The following CCM2L variants were observed in gnomAD, a reference collection of about 807,000 sequenced individuals.
CCM2L encodes cerebral cavernous malformations 2 protein-like.
CCM2L carries 36 observed loss-of-function variants against 54.1 expected under a neutral mutation model. The ratio of observed to expected loss-of-function variants is 0.67; its 90% CI spans 0.51 to 0.88. CCM2L has a LOEUF of 0.88. Ranked by LOEUF, CCM2L falls within the 40% of genes least tolerant of loss-of-function variation. The pLI is 0.00. For synonymous variants in CCM2L, 351 were observed against 359.3 expected (o/e 0.98, Z 0.26); for missense variants, 700 against 812.1 (o/e 0.86, Z 1.68).
At chr20:32,022,926 C>A in intron 6 of CCM2L, 131 bp downstream of exon 6, 1 of 967,002 alleles carries the variant, frequency 1.0e-6, no homozygotes, top group Non-Finnish European at 1.5e-6. Flanking sequence ...TACAGTGTAC[C>A]CCACAATTGT....
At chr20:32,015,911 C>T (rs1332772009) in intron 2 of CCM2L, among the ~76,000 whole-genome samples, 4 of 144,206 alleles carry the variant, frequency 2.8e-5, no homozygotes, top group Non-Finnish European at 5.9e-5. Flanking sequence ...GGCTGGAGTG[C>T]AGTGGCACGA....
In CCM2L at chr20:32,021,196, T is replaced by G. The variant is rs1054191141; in HGVS notation, c.934-1464T>G. Among the ~76,000 whole-genome samples, 5 of 152,110 alleles carry G rather than the reference T, an allele frequency of 3.3e-5. 1 individual carries two copies. In the South Asian group the frequency reaches 1.0e-3, roughly 32 times the overall value. On this transcript the variant is annotated intron_variant, in intron 5 of 9. Transcript: ENST00000452892. Reference sequence around the variant, plus strand: ...CAGTGGCTTCCCATTTCACTCCAAGTAAAAGCTAACATCCTTACAATTGCT... The same window carrying G: ...CAGTGGCTTCCCATTTCACTCCAAGGAAAAGCTAACATCCTTACAATTGCT...
intron 2 of CCM2L, among the ~76,000 whole-genome samples, chr20:32,017,120 C>G (rs2064747350): frequency 6.6e-6 from 1 of 152,142 alleles, no homozygotes; most frequent in African/African-American, 2.4e-5. Context: ...TGAACCCCAG[C>G]CTGAGTGACA....
chr20:32,017,850 G>A lies in CCM2L; in HGVS notation c.249G>A (p.Arg83=), dbSNP rs2064753236. The stretch of plus-strand genomic sequence containing the variant: ...CTTCCTCACTGAACCCCTCCAGTCG[G>A]GACGAGCTCCTGCAGCTGCTAGACA... ...WVTSSLNPSS[R]DELLQLLDTA... is the part of the protein sequence containing the mutation. The change falls in exon 3 of 10, where the codon CGG becomes CGA. Residue 83 remains arginine, a synonymous_variant. Coordinates refer to ENST00000452892, the MANE Select transcript of CCM2L (RefSeq NM_001365692.1). The A allele has an allele frequency of 6.2e-7, 1 of 1,613,960 alleles. No individual in the cohort carries two copies. The highest frequency in any genetic ancestry group is 1.7e-5 in the Admixed American group (1 of 59,992).
Position 32,018,096 on chromosome 20 carries a change from A to G in CCM2L, c.400A>G (p.Thr134Ala), listed in dbSNP as rs1407203971. The G allele has an allele frequency of 1.9e-6, 3 of 1,611,424 alleles. No individual in the cohort carries two copies. The highest frequency in any genetic ancestry group is 2.5e-6 in the Non-Finnish European group (3 of 1,179,440). ...DNEELILRIPTHEIAAASYLQ... is the reference protein window; with the variant it reads ...DNEELILRIPAHEIAAASYLQ... ...TGAAGAGCTCATTCTGCGAATCCCT[A>G]CGCACGAGATCGCCGCCGCCTCCTA... The change falls in exon 4 of 10, where the codon ACG becomes GCG. Residue 134 changes from threonine to alanine, a missense_variant. Thr to Ala is a moderately conservative substitution (Grantham distance 58, BLOSUM62 0). Coordinates refer to ENST00000452892, the MANE Select transcript of CCM2L (RefSeq NM_001365692.1).
At chr20:32,028,715 G>A in intron 7 of CCM2L, 1 of 452,082 alleles carries the variant, frequency 2.2e-6, no homozygotes, top group Non-Finnish European at 4.1e-6. Flanking sequence ...AAAGGGAGGG[G>A]AAAGGAGGCA....
At position 32,019,411 on chromosome 20, in the gene CCM2L, T is replaced by A; in HGVS notation, c.933+2T>A. The A allele has an allele frequency of 6.6e-7, 1 of 1,513,164 alleles. No individual in the cohort carries two copies. The highest frequency in any genetic ancestry group is 1.2e-5 in the South Asian group (1 of 82,646). The allele number at this position is 1,513,164 out of a possible 1,614,324, so 93.7% of individuals were successfully genotyped here. A position where few individuals can be genotyped will look rare whatever the true frequency, so the allele number is the denominator to read the frequency against. ...GTCATCCTGGCTGTAGCCAACAGGG[T>A]GAGCCCGAGGGCAGCCTGCTCCCAA... On this transcript the variant is annotated splice_donor_variant, in intron 5 of 9. Transcript: ENST00000452892. LOFTEE classifies it high-confidence loss of function.
Position 32,029,010 on chromosome 20 carries a change from C to CGT in CCM2L, c.1149_1150insGT (p.Thr384ValfsTer73). On this transcript the variant is annotated frameshift_variant, in exon 8 of 10. Transcript: ENST00000452892. LOFTEE classifies it high-confidence loss of function. ...GTGCCTGCAGTAATGGCTCCCAGGA[C>CGT]ACCTTTGAAGCATGTTACAGCGGCA... 6.2e-7 allele frequency: 1 copy of CGT among 1,614,186 alleles called. No homozygotes were observed. The highest frequency in any genetic ancestry group is 8.5e-7 in the Non-Finnish European group (1 of 1,180,018).
rs1314442466 is a variant in CCM2L at position 32,010,489 on chromosome 20, G to A, written c.30+5G>A. Reference sequence around the variant, plus strand: ...GAAGTCAAGAAAGGGAAGAAGGTAGGTGGGAGGTTGGGAGGGACGAAGGGA... The same window carrying A: ...GAAGTCAAGAAAGGGAAGAAGGTAGATGGGAGGTTGGGAGGGACGAAGGGA... On this transcript the variant is annotated splice_donor_5th_base_variant and intron_variant, in intron 1 of 9. Coordinates refer to ENST00000452892, the MANE Select transcript of CCM2L (RefSeq NM_001365692.1). 5 of 1,550,270 alleles carry A rather than the reference G, an allele frequency of 3.2e-6. No homozygotes were observed. In the Admixed American group the frequency reaches 5.9e-5, roughly 18 times the overall value.
rs753962282 is a variant in CCM2L, at chr20:32,022,734, T to C, written c.1008T>C (p.Cys336=). 23 of 1,613,876 alleles carry C rather than the reference T, an allele frequency of 1.4e-5. No individual in the cohort carries two copies. The highest frequency in any genetic ancestry group is 8.3e-5 in the Admixed American group (5 of 59,998). ...QIIYGDQSIE[C]VDRAGYHYTS... ...TCTACGGGGACCAGAGTATTGAGTG[T>C]GTGGACCGGGCTGGCTACCACTACA... The change falls in exon 6 of 10, where the codon TGT becomes TGC. Residue 336 remains cysteine (C), a synonymous_variant. Coordinates refer to ENST00000452892, the MANE Select transcript of CCM2L (RefSeq NM_001365692.1).
chr20:32,013,023 C>A (rs1172801661), intron 1 of CCM2L, among the ~76,000 whole-genome samples: 1 of 152,086 alleles, frequency 6.6e-6, no homozygotes, highest in Non-Finnish European at 1.5e-5. Context: ...AGCTCATTAA[C>A]CCCAATGGCT....
In CCM2L at chr20:32,018,958, C is replaced by T. The variant is rs983696056; in HGVS notation, c.482C>T (p.Pro161Leu). 1.0e-5 allele frequency: 14 copies of T among 1,399,412 alleles called. No individual in the cohort carries two copies. The highest frequency in any genetic ancestry group is 1.3e-5 in the Non-Finnish European group (14 of 1,080,916). The allele number at this position is 1,399,412 out of a possible 1,614,324, so 86.7% of individuals were successfully genotyped here. A position where few individuals can be genotyped will look rare whatever the true frequency, so the allele number is the denominator to read the frequency against. Residue 161 changes from proline (P) to leucine (L), a missense_variant, in exon 5 of 10, where the codon CCG becomes CTG. Physicochemically the swap from Pro to Leu is moderately conservative, Grantham distance 98 (BLOSUM62 -3). Transcript: ENST00000452892. The stretch of plus-strand genomic sequence containing the variant: ...ACTCTCCTAGGTCTGGGTGTGGACC[C>T]GGTGCCGGCCGGCGTGGATGCCAGC... The part of the protein sequence containing the change: ...LVLKTGLGVD[P>L]VPAGVDASPG...
At chr20:32,010,546 AAACT>A in intron 1 of CCM2L, 62 bp downstream of exon 1, 1 of 1,257,426 alleles carries the variant, frequency 8.0e-7, no homozygotes, top group East Asian at 2.6e-5. Context: ...GGAAGGGGGC[AAACT>A]GGGGCGGGGT....
In CCM2L at chr20:32,019,331, C is replaced by G. The variant is rs750170622; in HGVS notation, c.855C>G (p.Pro285=). ...GGGGSWERRH[P]GPNPLDPQDP... ...GAGGCAGCTGGGAGCGGCGCCACCCCGGCCCCAACCCGCTCGACCCGCAGG... is the reference window on the plus strand; with the variant it reads ...GAGGCAGCTGGGAGCGGCGCCACCCGGGCCCCAACCCGCTCGACCCGCAGG... Residue 285 remains proline, a synonymous_variant, in exon 5 of 10, where the codon CCC becomes CCG. Coordinates refer to ENST00000452892, the MANE Select transcript of CCM2L (RefSeq NM_001365692.1). 4 of 1,414,810 alleles carry G rather than the reference C, an allele frequency of 2.8e-6. No homozygotes were observed. The highest frequency in any genetic ancestry group is 3.7e-6 in the Non-Finnish European group (4 of 1,083,338). 87.6% of individuals were successfully genotyped at this position (1,414,810 alleles called of 1,614,324 possible). A position where few individuals can be genotyped will look rare whatever the true frequency, so the allele number is the denominator to read the frequency against.
At position 32,018,165 on chromosome 20, in the gene CCM2L, G is replaced by A; in HGVS notation, c.466+3G>A. 7.5e-7 allele frequency: 1 copy of A among 1,334,782 alleles called. No homozygotes were observed. The highest frequency in any genetic ancestry group is 9.8e-7 in the Non-Finnish European group (1 of 1,021,888). 82.7% of individuals were successfully genotyped at this position (1,334,782 alleles called of 1,614,324 possible). A position where few individuals can be genotyped will look rare whatever the true frequency, so the allele number is the denominator to read the frequency against. On this transcript the variant is annotated splice_donor_region_variant and intron_variant, in intron 4 of 9. Coordinates refer to ENST00000452892, the MANE Select transcript of CCM2L (RefSeq NM_001365692.1). The stretch of plus-strand genomic sequence containing the variant: ...GCACCTGCTAGTGCTCAAGACCGGT[G>A]CGGCGGGAGGGGGCGGGGGCGGGGG...
intron 7 of CCM2L, among the ~76,000 whole-genome samples, 161 bp downstream of exon 7, chr20:32,026,080 C>A (rs1268207549): frequency 6.6e-6 from 1 of 152,110 alleles, no homozygotes; most frequent in African/African-American, 2.4e-5. Context: ...TGGAAACCCA[C>A]AGGATCCAGA....
chr20:32,022,072 G>A (rs146810078), intron 5 of CCM2L, among the ~76,000 whole-genome samples: 178 of 152,152 alleles, frequency 1.2e-3, no homozygotes, highest in African/African-American at 3.8e-3. Flanking sequence ...GGCATAAAGA[G>A]GTAAATTCAA....
rs143482271 is a variant in CCM2L, at chr20:32,026,760, C to T, written c.1133+841C>T. ...GTATGGTGGCGCACACCTGTGGTCCCAGCTACTTGGGAGGCTGAGGCAGGA... is the reference window on the plus strand; with the variant it reads ...GTATGGTGGCGCACACCTGTGGTCCTAGCTACTTGGGAGGCTGAGGCAGGA... On this transcript the variant is annotated intron_variant, in intron 7 of 9. Coordinates refer to ENST00000452892, the MANE Select transcript of CCM2L (RefSeq NM_001365692.1). Among the ~76,000 whole-genome samples, 66 of 151,948 alleles carry T rather than the reference C, an allele frequency of 4.3e-4. No homozygotes were observed. The East Asian group carries it at 0.011, about 25-fold the overall frequency.
rs1012535224 is a variant in CCM2L, at chr20:32,018,837, G to A, written c.467-106G>A. 80 of 1,183,726 alleles carry A rather than the reference G, an allele frequency of 6.8e-5. No individual in the cohort carries two copies. The East Asian group carries it at 2.6e-3, about 39-fold the overall frequency. The allele number at this position is 1,183,726 out of a possible 1,614,324, so 73.3% of individuals were successfully genotyped here. A position where few individuals can be genotyped will look rare whatever the true frequency, so the allele number is the denominator to read the frequency against. ...ACTTTAAAGCCGGGGGCGAGGCGGC[G>A]GTGGAACCCCAGAGCCGCGAGGTCA... On this transcript the variant is annotated intron_variant, in intron 4 of 9. Coordinates refer to ENST00000452892, the MANE Select transcript of CCM2L (RefSeq NM_001365692.1).
Sources: allele counts gnomAD v4.1 joint callset (sites outside exome capture counted in the v4.1 genomes callset), GRCh38; gene constraint gnomAD v4.1.1; transcripts MANE v1.5; gene names NCBI Gene and HGNC (gene_info 2026-07-23, HGNC 2026-07-21).